Variants in TFEC observed in about 807,000 individuals in gnomAD.
The protein encoded by TFEC is class E basic helix-loop-helix protein 34.
TFEC carries 31 observed loss-of-function variants against 41.6 expected under a neutral mutation model. The observed-to-expected ratio is 0.74, with a 90% confidence interval of 0.56 to 1.01. The LOEUF (loss-of-function observed/expected upper bound fraction) is 1.01, where lower values mean the gene tolerates loss of function less well. TFEC is among the 50% of genes least tolerant of loss of function. TFEC has a pLI of 0.00. For missense variants in TFEC, 402 were observed against 404.1 expected (o/e 0.99, Z 0.04); for synonymous variants, 143 against 140.6 (o/e 1.02, Z -0.12).
chr7:116,071,278 G>T (rs1796821265), intron 3 of TFEC, among the ~76,000 whole-genome samples: 1 of 150,396 alleles, frequency 6.6e-6, no homozygotes, highest in Non-Finnish European at 1.5e-5. Flanking sequence ...ATGACATAAT[G>T]ATATTCCATG....
intron 1 of TFEC, among the ~76,000 whole-genome samples, chr7:115,988,927 T>C (rs1793978038): frequency 1.3e-5 from 2 of 151,850 alleles, no homozygotes; most frequent in Non-Finnish European, 1.5e-5. Flanking sequence ...TTACAAACCA[T>C]GCAAGCAAGA....
intron 1 of TFEC, among the ~76,000 whole-genome samples, chr7:116,021,176 C>A (rs530750148): frequency 1.0e-3 from 153 of 152,200 alleles, no homozygotes; most frequent in African/African-American, 3.5e-3. Flanking sequence ...TAATTCCAAC[C>A]AAATTCTCTT....
At position 116,136,588 on chromosome 7, in the gene TFEC, T is replaced by C. The variant is rs534447345; in HGVS notation, c.-69+23202A>G. Among the ~76,000 whole-genome samples, 346 of 152,080 alleles carry C rather than the reference T, an allele frequency of 2.3e-3. 1 individual carries two copies. The highest frequency in any genetic ancestry group is 4.1e-3 in the Non-Finnish European group (275 of 67,868). The stretch of plus-strand genomic sequence containing the variant: ...ACATTTCACTATTAATAAATCATAG[T>C]ATGTTTTCAATCTCAATAGAAAATT... On this transcript the variant is annotated intron_variant, in intron 1 of 8. Coordinates refer to the TFEC transcript ENST00000484212.
chr7:115,946,417 G>GTA lies in TFEC; in HGVS notation c.516-4378_516-4377insTA, dbSNP rs1554378505. The stretch of plus-strand genomic sequence containing the variant: ...ATAACGTGTGTGTGTGTGTGTGTGT[G>GTA]TGTGTGTGTGTGTGTGTGTGTAGGG... On this transcript the variant is annotated intron_variant, in intron 6 of 7. Coordinates refer to ENST00000265440, the MANE Select transcript of TFEC (RefSeq NM_012252.4). Among the ~76,000 whole-genome samples, 5 of 121,380 alleles carry GTA rather than the reference G, an allele frequency of 4.1e-5. No individual in the cohort carries two copies. The East Asian group carries it at 1.3e-3, about 32-fold the overall frequency. 79.6% of individuals were successfully genotyped at this position (121,380 alleles called of 152,430 possible).
intron 1 of TFEC, among the ~76,000 whole-genome samples, chr7:116,133,907 G>C (rs1798383618): frequency 6.6e-6 from 1 of 152,076 alleles, no homozygotes; most frequent in African/African-American, 2.4e-5. Flanking sequence ...AACAGGTCCT[G>C]AGCAGTAATA....
At chr7:116,154,117 T>C (rs1290042534) in intron 1 of TFEC, among the ~76,000 whole-genome samples, 3 of 152,212 alleles carry the variant, frequency 2.0e-5, no homozygotes, top group African/African-American at 7.2e-5. Flanking sequence ...ATTTTAGTTA[T>C]GCATCTTGAA....
chr7:116,045,472 G>A (rs1203234675), intron 3 of TFEC, among the ~76,000 whole-genome samples: 1 of 152,190 alleles, frequency 6.6e-6, no homozygotes, highest in Non-Finnish European at 1.5e-5. Flanking sequence ...TCAGAGGGTG[G>A]AAGCCCCAAG....
At chr7:116,021,090 T>C (rs903087358) in intron 1 of TFEC, among the ~76,000 whole-genome samples, 1 of 152,234 alleles carries the variant, frequency 6.6e-6, no homozygotes, top group Non-Finnish European at 1.5e-5. Context: ...TGGGAACTTA[T>C]ATGAAAGTAC....
chr7:116,097,604 A>C (rs1056224627), intron 3 of TFEC, among the ~76,000 whole-genome samples: 1 of 152,180 alleles, frequency 6.6e-6, no homozygotes, highest in Non-Finnish European at 1.5e-5. Context: ...GGGATGATTC[A>C]TATTCCACAG....
chr7:115,947,771 G>GT (rs71137141), intron 6 of TFEC, among the ~76,000 whole-genome samples: 130,258 of 151,118 alleles, frequency 0.86, 56,297 homozygotes, highest in Non-Finnish European at 0.89. Context: ...GGGGTTGTTT[G>GT]TTTTTTCTTG....
At chr7:116,151,182 T>C (rs1031303997) in intron 1 of TFEC, among the ~76,000 whole-genome samples, 2 of 151,710 alleles carry the variant, frequency 1.3e-5, no homozygotes, top group African/African-American at 4.8e-5. Context: ...AAATTCAAAA[T>C]AGATTTCTTG....
chr7:115,986,593 A>G (rs1793866875), intron 1 of TFEC, among the ~76,000 whole-genome samples: 1 of 152,100 alleles, frequency 6.6e-6, no homozygotes. Flanking sequence ...AGATAGTACT[A>G]CACAGCAGGC....
At chr7:116,027,824 C>T (rs187984478) in intron 1 of TFEC, among the ~76,000 whole-genome samples, 4 of 152,176 alleles carry the variant, frequency 2.6e-5, no homozygotes, top group African/African-American at 9.7e-5. Context: ...CATTAGGAGG[C>T]ATGAGAATCC....
chr7:115,996,227 G>T (rs1202690981), intron 1 of TFEC, among the ~76,000 whole-genome samples: 1 of 152,110 alleles, frequency 6.6e-6, no homozygotes, highest in Non-Finnish European at 1.5e-5. Flanking sequence ...ACTTTGTCTT[G>T]CAACATGGGT....
intron 1 of TFEC, among the ~76,000 whole-genome samples, chr7:116,136,799 T>A (rs1473098629): frequency 6.6e-6 from 1 of 151,986 alleles, no homozygotes; most frequent in African/African-American, 2.4e-5. Flanking sequence ...TTTATGATGA[T>A]ATTATCAGTA....
rs536667234 is a variant in TFEC, at chr7:116,094,651, G to A, written c.198+16057C>T. On this transcript the variant is annotated intron_variant, in intron 3 of 8. Transcript: ENST00000484212. ...CCTCAGATTGAGCCACTGCACTCCC[G>A]CCTGGGTGACAGAGAAAGACTCCGT... Among the ~76,000 whole-genome samples, 71 of 152,246 alleles carry A rather than the reference G, an allele frequency of 4.7e-4. No individual in the cohort carries two copies. The South Asian group carries it at 0.014, about 30-fold the overall frequency.
At chr7:116,037,716 G>T (rs1309883469) in intron 3 of TFEC, among the ~76,000 whole-genome samples, 1 of 151,866 alleles carries the variant, frequency 6.6e-6, no homozygotes, top group East Asian at 1.9e-4. Context: ...AAATATAGGA[G>T]TTCATCCCTC....
At chr7:115,963,106 G>T (rs917575387) in intron 3 of TFEC, among the ~76,000 whole-genome samples, 2 of 151,576 alleles carry the variant, frequency 1.3e-5, no homozygotes, top group African/African-American at 2.4e-5. Context: ...GCAGTGTTTG[G>T]TTTTCTGTCC....
chr7:115,946,780 C>T (rs1030630802), intron 6 of TFEC, among the ~76,000 whole-genome samples: 5 of 150,700 alleles, frequency 3.3e-5, no homozygotes, highest in Admixed American at 3.3e-4. Flanking sequence ...AAACAATCTT[C>T]CTGTTTGGTC....
Sources: allele counts gnomAD v4.1 joint callset (sites outside exome capture counted in the v4.1 genomes callset), GRCh38; gene constraint gnomAD v4.1.1; transcripts MANE v1.5; gene names NCBI Gene and HGNC (gene_info 2026-07-23, HGNC 2026-07-21).